Variants in DYNC2H1 observed in about 807,000 individuals in gnomAD.
The protein encoded by DYNC2H1 is cytoplasmic dynein 2 heavy chain 1.
In DYNC2H1, 410 loss-of-function variants were observed where a neutral mutation model predicts 570.0. The observed-to-expected ratio is 0.72, with a 90% CI of 0.66 to 0.78. The LOEUF is 0.78. Ranked by LOEUF, DYNC2H1 falls within the 30% of genes least tolerant of loss-of-function variation. DYNC2H1 has a pLI of 0.00. For missense variants in DYNC2H1, 4,865 were observed against 5,046.4 expected (o/e 0.96, Z 1.09); for synonymous variants, 1,688 against 1,677.6 (o/e 1.01, Z -0.15).
chr11:103,239,065 G>A lies in DYNC2H1; in HGVS notation c.9819+2526G>A, dbSNP rs867003271. 2.2e-4 allele frequency among the ~76,000 whole-genome samples: 34 copies of A among 152,194 alleles called. No homozygotes were observed. The highest frequency in any genetic ancestry group is 7.5e-4 in the African/African-American group (31 of 41,462). ...AAGGCTGTTAGAAACTATGGAGAAG[G>A]TGTGAGTGAAAAGCATCAAGAAAGG... On this transcript the variant is annotated intron_variant, in intron 63 of 88. Coordinates refer to ENST00000375735, the MANE Select transcript of DYNC2H1 (RefSeq NM_001377.3). This position sits in a 1 kb window ranked among gnomAD's most constrained non-coding sequence, Gnocchi z 4.3.
At chr11:103,478,251 G>T (rs1364857510) in intron 88 of DYNC2H1, among the ~76,000 whole-genome samples, 2 of 152,102 alleles carry the variant, frequency 1.3e-5, no homozygotes, top group East Asian at 3.8e-4. Flanking sequence ...AGGGAAATAG[G>T]CATTTATCTA....
intron 84 of DYNC2H1, among the ~76,000 whole-genome samples, chr11:103,420,830 A>C (rs937158183): frequency 6.6e-6 from 1 of 152,232 alleles, no homozygotes; most frequent in African/African-American, 2.4e-5. Context: ...AAGTATGCAA[A>C]ATAACCAGCT....
chr11:103,170,059 A>G lies in DYNC2H1; in HGVS notation c.4969-49A>G. The G allele has an allele frequency of 1.4e-6, 2 of 1,410,248 alleles. No individual in the cohort carries two copies. Among genetic ancestry groups the G allele is most frequent in the Non-Finnish European group, 1.9e-6 (2 of 1,058,164 alleles). 87.4% of individuals were successfully genotyped at this position (1,410,248 alleles called of 1,614,324 possible). ...ATCTCATGCTGTAAAAATATTTGTA[A>G]ATGTTGAATAGAACATGAATACTCT... On this transcript the variant is annotated intron_variant, in intron 32 of 88. Transcript: ENST00000375735. This position sits in a 1 kb window ranked among gnomAD's most constrained non-coding sequence, Gnocchi z 4.8.
intron 36 of DYNC2H1, 76 bp downstream of exon 36, chr11:103,174,246 C>T (rs893367510): frequency 7.8e-7 from 1 of 1,289,894 alleles, no homozygotes; most frequent in Non-Finnish European, 1.1e-6. Context: ...TTGAGATTTA[C>T]AGAAAAGTTG....
At position 103,358,402 on chromosome 11, in the gene DYNC2H1, C is replaced by T. The variant is rs534131114; in HGVS notation, c.12156+43C>T. 5.4e-5 allele frequency: 71 copies of T among 1,321,080 alleles called. No homozygotes were observed. The African/African-American group carries it at 7.4e-4, about 14-fold the overall frequency. 81.8% of individuals were successfully genotyped at this position (1,321,080 alleles called of 1,614,324 possible). On this transcript the variant is annotated intron_variant, in intron 83 of 88. Transcript: ENST00000375735. The stretch of plus-strand genomic sequence containing the variant: ...CTTCTGATTCTTTTGCTTTTTCTCC[C>T]GCATCGTAACCATGTGCTCCCCATT...
chr11:103,242,012 G>A (rs1302606899), intron 63 of DYNC2H1, among the ~76,000 whole-genome samples: 1 of 152,056 alleles, frequency 6.6e-6, no homozygotes, highest in Non-Finnish European at 1.5e-5. Context: ...GTGTGCCACT[G>A]AGATAACCTG....
At chr11:103,452,860 CCTA>C (rs1486414774) in intron 85 of DYNC2H1, among the ~76,000 whole-genome samples, 3 of 151,960 alleles carry the variant, frequency 2.0e-5, no homozygotes, top group Admixed American at 6.6e-5. Context: ...ATTCGTAAAT[CCTA>C]CTACATAATC....
At chr11:103,332,498 A>G (rs1353617573) in intron 82 of DYNC2H1, among the ~76,000 whole-genome samples, 2 of 149,326 alleles carry the variant, frequency 1.3e-5, no homozygotes, top group Admixed American at 6.6e-5. Flanking sequence ...TTAAAACTGA[A>G]AAAGACTGAA....
At chr11:103,320,325 C>T (rs1938105490) in intron 80 of DYNC2H1, among the ~76,000 whole-genome samples, 1 of 152,142 alleles carries the variant, frequency 6.6e-6, no homozygotes, top group Non-Finnish European at 1.5e-5. Flanking sequence ...TCGCTTGAAC[C>T]TGGGAGGTGG....
At chr11:103,430,800 A>G (rs891394134) in intron 84 of DYNC2H1, among the ~76,000 whole-genome samples, 4 of 152,118 alleles carry the variant, frequency 2.6e-5, no homozygotes, top group Non-Finnish European at 5.9e-5. Flanking sequence ...CATTTCAAGC[A>G]TGATCTCCAC....
chr11:103,393,466 T>TA (rs1162236777), intron 83 of DYNC2H1, among the ~76,000 whole-genome samples: 1 of 152,246 alleles, frequency 6.6e-6, no homozygotes, highest in Non-Finnish European at 1.5e-5. Flanking sequence ...TCTTTTCTAT[T>TA]AATAGCCTAC....
Position 103,440,234 on chromosome 11 carries a change from A to G in DYNC2H1, c.12456+4202A>G, listed in dbSNP as rs1944217329. On this transcript the variant is annotated intron_variant, in intron 85 of 88. Transcript: ENST00000375735. ...ATACTTGGTTATGCTAAATAGACCC[A>G]ATATTCTAAGAAATGTTTAATGGAC... 2.0e-5 allele frequency among the ~76,000 whole-genome samples: 3 copies of G among 152,296 alleles called. No homozygotes were observed. In the South Asian group the frequency reaches 6.2e-4, roughly 32 times the overall value.
chr11:103,116,506 T>C, intron 4 of DYNC2H1, 64 bp from the exon 5 acceptor site: 1 of 1,326,966 alleles, frequency 7.5e-7, no homozygotes, highest in Non-Finnish European at 1.0e-6. Context: ...CCTGGGAACA[T>C]TTTGATTATA....
intron 82 of DYNC2H1, among the ~76,000 whole-genome samples, chr11:103,343,313 G>C (rs1939569207): frequency 6.6e-6 from 1 of 152,130 alleles, no homozygotes. Flanking sequence ...CCTAACGCCT[G>C]TCAGACAAAC....
At position 103,385,424 on chromosome 11, in the gene DYNC2H1, T is replaced by C. The variant is rs181288660; in HGVS notation, c.12157-14239T>C. Among the ~76,000 whole-genome samples the C allele has an allele frequency of 2.6e-5, 4 of 152,288 alleles. No individual in the cohort carries two copies. In the East Asian group the frequency reaches 7.7e-4, roughly 29 times the overall value. ...CTGTCTTCTGGTTCACTGTTTTTTT[T>C]CAGCTGAATCTGATCTGTCAGCATG... On this transcript the variant is annotated intron_variant, in intron 83 of 88. Transcript: ENST00000375735.
intron 82 of DYNC2H1, among the ~76,000 whole-genome samples, chr11:103,333,587 A>C (rs1014011423): frequency 1.3e-5 from 2 of 152,204 alleles, no homozygotes; most frequent in African/African-American, 4.8e-5. Flanking sequence ...CAGTTCTACT[A>C]TACTGGCCTC....
chr11:103,327,618 G>A (rs921623482), intron 82 of DYNC2H1, among the ~76,000 whole-genome samples: 2 of 152,122 alleles, frequency 1.3e-5, no homozygotes, highest in Non-Finnish European at 2.9e-5. Flanking sequence ...ATCTAATGAA[G>A]GTAATAGGGT....
In DYNC2H1 at chr11:103,244,536, C is replaced by CAT. The variant is rs948353817; in HGVS notation, c.9919-710_9919-709dup. Among the ~76,000 whole-genome samples, 3 of 148,938 alleles carry CAT rather than the reference C, an allele frequency of 2.0e-5. No homozygotes were observed. Among genetic ancestry groups the CAT allele is most frequent in the African/African-American group, 7.3e-5 (3 of 40,928 alleles). On this transcript the variant is annotated intron_variant, in intron 64 of 88. Transcript: ENST00000375735. The surrounding 1 kb of genome is among the most constrained non-coding windows in gnomAD (Gnocchi z 4.3). Reference sequence around the variant, plus strand: ...TACTTTAATAATCATTTATGGCTTGCATATATGCAAATCATTTATGGTTTG... The same window carrying CAT: ...TACTTTAATAATCATTTATGGCTTGCATATATATGCAAATCATTTATGGTTTG...
At chr11:103,445,558 G>T (rs770753822) in intron 85 of DYNC2H1, among the ~76,000 whole-genome samples, 27 of 152,154 alleles carry the variant, frequency 1.8e-4, no homozygotes, top group Non-Finnish European at 7.4e-5. Flanking sequence ...TGTGGAGGTG[G>T]AGGCTTCTTA....
Sources: allele counts gnomAD v4.1 joint callset (sites outside exome capture counted in the v4.1 genomes callset), GRCh38; gene constraint gnomAD v4.1.1; non-coding constraint Gnocchi (gnomAD v3.1); transcripts MANE v1.5; gene names NCBI Gene and HGNC (gene_info 2026-07-23, HGNC 2026-07-21).